The following SLX4IP variants were observed in gnomAD, a reference collection of about 807,000 sequenced individuals.
SLX4IP encodes the protein SLX4 interacting protein.
SLX4IP carries 34 observed loss-of-function variants against 32.9 expected under a neutral mutation model. The observed-to-expected ratio is 1.03, with a 90% confidence interval of 0.79 to 1.38. The LOEUF is 1.38. Among genes scored for constraint, SLX4IP ranks in the 40% most tolerant of loss-of-function variants. The pLI, the probability that SLX4IP is intolerant of heterozygous loss-of-function variation, is 0.00. For missense variants in SLX4IP, 444 were observed against 479.0 expected (o/e 0.93, Z 0.68); for synonymous variants, 172 against 171.7 (o/e 1.00, Z -0.01).
intron 2 of SLX4IP, among the ~76,000 whole-genome samples, chr20:10,509,598 A>C (rs532603537): frequency 6.6e-6 from 1 of 152,310 alleles, no homozygotes; most frequent in East Asian, 1.9e-4. Flanking sequence ...CTGATTCACT[A>C]TGTGGACGAA....
intron 2 of SLX4IP, 127 bp downstream of exon 2, chr20:10,458,358 T>A: frequency 1.3e-6 from 1 of 789,268 alleles, no homozygotes; most frequent in Non-Finnish European, 1.9e-6. Context: ...GCAAAATTTT[T>A]TTTTTTCCTT....
At position 10,577,298 on chromosome 20, in the gene SLX4IP, AT is replaced by A. The variant is rs1390359042; in HGVS notation, c.238+16479del. Among the ~76,000 whole-genome samples, 5 of 152,248 alleles carry A rather than the reference AT, an allele frequency of 3.3e-5. No homozygotes were observed. The South Asian group carries it at 1.0e-3, about 32-fold the overall frequency. The stretch of plus-strand genomic sequence containing the variant: ...AATGCCCTTATGATGAGGGTTTTTC[AT>A]GCTTTCCCCCCTTCATTTTTAGCTT... On this transcript the variant is annotated intron_variant, in intron 4 of 7. Transcript: ENST00000334534.
intron 2 of SLX4IP, among the ~76,000 whole-genome samples, chr20:10,540,650 G>GTCC (rs1361817388): frequency 3.9e-5 from 6 of 152,106 alleles, no homozygotes; most frequent in Admixed American, 3.9e-4. Context: ...GTGGTCTCCT[G>GTCC]TCCCAGCACG....
intron 2 of SLX4IP, among the ~76,000 whole-genome samples, chr20:10,472,031 T>C (rs2065428544): frequency 6.6e-6 from 1 of 152,026 alleles, no homozygotes; most frequent in Non-Finnish European, 1.5e-5. Flanking sequence ...AATCACAAGG[T>C]CAAGAGGAGA....
At chr20:10,532,023 G>A (rs2065993901) in intron 2 of SLX4IP, among the ~76,000 whole-genome samples, 1 of 152,074 alleles carries the variant, frequency 6.6e-6, no homozygotes, top group Admixed American at 6.5e-5. Context: ...TCACATCCCT[G>A]ACATTGGTTT....
intron 6 of SLX4IP, among the ~76,000 whole-genome samples, chr20:10,606,220 TAAGA>T (rs1431197722): frequency 1.3e-5 from 2 of 152,224 alleles, no homozygotes; most frequent in Non-Finnish European, 2.9e-5. Flanking sequence ...TATTTGATCT[TAAGA>T]AAGATGTAAA....
At chr20:10,551,369 T>C (rs992412535) in intron 2 of SLX4IP, among the ~76,000 whole-genome samples, 4 of 152,236 alleles carry the variant, frequency 2.6e-5, no homozygotes, top group Non-Finnish European at 5.9e-5. Flanking sequence ...GATGTATCAG[T>C]GCACTGGGCC....
intron 4 of SLX4IP, among the ~76,000 whole-genome samples, chr20:10,581,938 A>T (rs909077276): frequency 6.6e-6 from 1 of 152,122 alleles, no homozygotes; most frequent in Non-Finnish European, 1.5e-5. Context: ...AAGTGGGATG[A>T]CTGAGAGCTG....
intron 2 of SLX4IP, among the ~76,000 whole-genome samples, chr20:10,474,170 C>G (rs1318069476): frequency 6.6e-6 from 1 of 152,162 alleles, no homozygotes. Context: ...TCCTCCTTGG[C>G]CTCCCAAAGT....
chr20:10,544,810 T>G (rs1001431727), intron 2 of SLX4IP, among the ~76,000 whole-genome samples: 1 of 152,208 alleles, frequency 6.6e-6, no homozygotes, highest in Non-Finnish European at 1.5e-5. Flanking sequence ...GGTGAATATA[T>G]TTCCTGTTGT....
At chr20:10,552,231 C>T (rs1279095612) in intron 2 of SLX4IP, among the ~76,000 whole-genome samples, 3 of 152,046 alleles carry the variant, frequency 2.0e-5, no homozygotes, top group Non-Finnish European at 1.5e-5. Flanking sequence ...GGCTTGGCCT[C>T]TGCAGAGTGA....
At chr20:10,562,824 A>G (rs2066347686) in intron 4 of SLX4IP, among the ~76,000 whole-genome samples, 1 of 152,204 alleles carries the variant, frequency 6.6e-6, no homozygotes. Context: ...GGTGATGAAC[A>G]TTTAGATTGA....
chr20:10,480,124 T>C (rs974560380), intron 2 of SLX4IP, among the ~76,000 whole-genome samples: 1 of 152,232 alleles, frequency 6.6e-6, no homozygotes, highest in African/African-American at 2.4e-5. Flanking sequence ...TTGGGTGCGG[T>C]GGCTCACGCC....
intron 2 of SLX4IP, among the ~76,000 whole-genome samples, chr20:10,492,136 A>C (rs1176886190): frequency 6.6e-6 from 1 of 152,144 alleles, no homozygotes; most frequent in Admixed American, 6.6e-5. Flanking sequence ...TGAATGTTTA[A>C]GTTTTCCCTA....
At chr20:10,587,736 T>A (rs1367346296) in intron 4 of SLX4IP, among the ~76,000 whole-genome samples, 1 of 151,932 alleles carries the variant, frequency 6.6e-6, no homozygotes, top group African/African-American at 2.4e-5. Flanking sequence ...GCACCAAAAA[T>A]GCAAAATGGG....
chr20:10,466,992 G>C (rs2065386011), intron 2 of SLX4IP, among the ~76,000 whole-genome samples: 1 of 152,120 alleles, frequency 6.6e-6, no homozygotes, highest in South Asian at 2.1e-4. Flanking sequence ...CACAAAAAGA[G>C]AAATAAGCCT....
At chr20:10,546,342 T>C (rs1410222325) in intron 2 of SLX4IP, among the ~76,000 whole-genome samples, 1 of 152,204 alleles carries the variant, frequency 6.6e-6, no homozygotes, top group African/African-American at 2.4e-5. Context: ...TGTGGTGTGA[T>C]TACAAGCCAT....
chr20:10,555,873 CT>C (rs113687939), intron 2 of SLX4IP, among the ~76,000 whole-genome samples: 4,399 of 152,282 alleles, frequency 0.029, 109 homozygotes, highest in Admixed American at 0.09. Flanking sequence ...TGGAATCATT[CT>C]TTTGTGGAGC....
At chr20:10,611,870 G>T (rs1416649974) in intron 6 of SLX4IP, among the ~76,000 whole-genome samples, 1 of 152,168 alleles carries the variant, frequency 6.6e-6, no homozygotes, top group Non-Finnish European at 1.5e-5. Flanking sequence ...GAGCCAAAGT[G>T]CTCTTCTCTT....
Sources: gnomAD v4.1 joint callset for allele counts (sites outside exome capture counted in the v4.1 genomes callset) on GRCh38, gnomAD v4.1.1 for gene constraint, MANE v1.5 for transcripts, NCBI Gene and HGNC (gene_info 2026-07-23, HGNC 2026-07-21) for gene names.